ZBTB20: variants seen among roughly 807,000 people sequenced by gnomAD.
ZBTB20 encodes the protein zinc finger and BTB domain containing 20, also known as zinc finger and BTB domain-containing protein 20.
A neutral mutation model predicts 56.9 loss-of-function variants in ZBTB20; 9 were observed. The observed-to-expected ratio is 0.16, with a 90% CI of 0.10 to 0.28. The LOEUF (loss-of-function observed/expected upper bound fraction) is 0.28. ZBTB20 is among the 10% of genes least tolerant of loss of function. The probability of loss-of-function intolerance (pLI) is 1.00; values close to 1 mark genes in which losing one functional copy is unlikely to be tolerated. For missense variants in ZBTB20, 655 were observed against 1,003.0 expected, an observed-to-expected ratio of 0.65 and a Z score of 4.69; for synonymous variants, 417 against 420.7, an observed-to-expected ratio of 0.99 and a Z score of 0.11.
intron 2 of ZBTB20, among the ~76,000 whole-genome samples, chr3:115,054,226 T>G (rs1560530299): frequency 6.6e-6 from 1 of 152,108 alleles, no homozygotes; most frequent in Admixed American, 6.6e-5. Context: ...AAATGATCTG[T>G]TTACAGGGAG....
At chr3:114,764,309 A>G (rs1027752335) in intron 5 of ZBTB20, among the ~76,000 whole-genome samples, 4 of 151,352 alleles carry the variant, frequency 2.6e-5, no homozygotes, top group Non-Finnish European at 4.4e-5. Flanking sequence ...AGGGAGGGGC[A>G]AAACAAACAG....
intron 7 of ZBTB20, among the ~76,000 whole-genome samples, chr3:114,397,384 A>T (rs747322507): frequency 2.0e-4 from 31 of 152,030 alleles, no homozygotes; most frequent in Non-Finnish European, 3.7e-4. Flanking sequence ...ATTAGCTCTC[A>T]TCTCCTCTAA....
intron 4 of ZBTB20, among the ~76,000 whole-genome samples, chr3:114,816,607 GAAAT>G (rs756034421): frequency 6.6e-5 from 10 of 152,136 alleles, no homozygotes; most frequent in Non-Finnish European, 1.2e-4. Context: ...ATGGGCCTAT[GAAAT>G]AAAAATCTCA....
chr3:114,866,854 A>C (rs1415661654), intron 4 of ZBTB20, among the ~76,000 whole-genome samples: 1 of 152,130 alleles, frequency 6.6e-6, no homozygotes, highest in Non-Finnish European at 1.5e-5. Context: ...GACTAACGCA[A>C]TTGGCTCTCT....
chr3:115,033,558 G>C, intron 2 of ZBTB20, among the ~76,000 whole-genome samples: 1 of 151,652 alleles, frequency 6.6e-6, no homozygotes, highest in East Asian at 1.9e-4. Context: ...GTATATCAAA[G>C]AGGTATCTGC....
chr3:114,719,375 C>A (rs966817970), intron 5 of ZBTB20, among the ~76,000 whole-genome samples: 4 of 152,052 alleles, frequency 2.6e-5, no homozygotes, highest in African/African-American at 9.7e-5. Flanking sequence ...ATGGACATAG[C>A]TAAAAGATCC....
At chr3:114,468,347 C>T (rs879537694) in intron 7 of ZBTB20, among the ~76,000 whole-genome samples, 5 of 152,156 alleles carry the variant, frequency 3.3e-5, no homozygotes, top group Admixed American at 3.3e-4. Flanking sequence ...AAGGGACTAA[C>T]AAAGCCCTGT....
chr3:114,860,639 T>C (rs992571354), intron 4 of ZBTB20, among the ~76,000 whole-genome samples: 3 of 152,188 alleles, frequency 2.0e-5, no homozygotes, highest in Admixed American at 1.3e-4. Context: ...GAAGAGTTGC[T>C]TTCTAAGTGG....
At chr3:114,389,826 T>G (rs1576548928) in intron 7 of ZBTB20, among the ~76,000 whole-genome samples, 1 of 143,362 alleles carries the variant, frequency 7.0e-6, no homozygotes, top group Non-Finnish European at 1.5e-5. Context: ...GAGGCGGAGG[T>G]TGCAGTGAGC....
At chr3:114,464,086 T>A (rs1360525319) in intron 7 of ZBTB20, among the ~76,000 whole-genome samples, 1 of 152,220 alleles carries the variant, frequency 6.6e-6, no homozygotes, top group East Asian at 1.9e-4. Flanking sequence ...GATTTACACA[T>A]CTCCAAATTT....
At chr3:114,518,337 C>A (rs553776462) in intron 6 of ZBTB20, among the ~76,000 whole-genome samples, 2 of 152,074 alleles carry the variant, frequency 1.3e-5, no homozygotes, top group East Asian at 1.9e-4. Context: ...AGAAAAAAAA[C>A]CCCTAATCTC....
chr3:114,635,864 A>C (rs2059237454), intron 6 of ZBTB20, among the ~76,000 whole-genome samples: 1 of 152,088 alleles, frequency 6.6e-6, no homozygotes, highest in African/African-American at 2.4e-5. Flanking sequence ...AGAGAGGGAA[A>C]GGGGTAGAAA....
At chr3:114,894,721 G>A (rs778782605) in intron 4 of ZBTB20, among the ~76,000 whole-genome samples, 3 of 152,180 alleles carry the variant, frequency 2.0e-5, no homozygotes, top group Non-Finnish European at 2.9e-5. Flanking sequence ...GGCTGGAACA[G>A]ATCCTTCCCT....
chr3:114,625,084 G>A (rs2058577840), intron 6 of ZBTB20: 1 of 152,944 alleles, frequency 6.5e-6, no homozygotes, highest in African/African-American at 2.4e-5. Flanking sequence ...GGGGGGTTTA[G>A]GTCAGGAGCA....
rs768258058 is a variant in ZBTB20 at position 114,350,493 on chromosome 3, G to C, written c.1585C>G (p.Pro529Ala). 4 of 1,614,154 alleles carry C rather than the reference G, an allele frequency of 2.5e-6. No homozygotes were observed. The Admixed American group carries it at 5.0e-5, about 20-fold the overall frequency. Residue 529 changes from proline to alanine, a missense_variant, in exon 11 of 12, where the codon CCA (proline) becomes GCA (alanine). By Grantham distance (27) the Pro-to-Ala change is conservative (BLOSUM62 -1). Coordinates refer to ENST00000675478, the MANE Select transcript of ZBTB20 (RefSeq NM_001348800.3). Reference sequence around the variant, plus strand: ...GTCTGCTGGCCTGCCAGGGGCTGTGGCAGGCTGAAGAGGAAAGGCTTGGGG... The same window carrying C: ...GTCTGCTGGCCTGCCAGGGGCTGTGCCAGGCTGAAGAGGAAAGGCTTGGGG... ...SGPKPFLFSL[P>A]QPLAGQQTQF...
At chr3:114,356,823 G>A (rs1428768742) in intron 10 of ZBTB20, among the ~76,000 whole-genome samples, 1 of 152,116 alleles carries the variant, frequency 6.6e-6, no homozygotes, top group African/African-American at 2.4e-5. Context: ...TGCACTATAG[G>A]AGGTATAGTA....
intron 4 of ZBTB20, among the ~76,000 whole-genome samples, chr3:114,804,957 G>C (rs1273845343): frequency 6.6e-6 from 1 of 151,764 alleles, no homozygotes; most frequent in Non-Finnish European, 1.5e-5. Context: ...TAACTGGTTA[G>C]TTTGAATCAG....
intron 2 of ZBTB20, among the ~76,000 whole-genome samples, chr3:114,990,544 A>G (rs1170627372): frequency 6.6e-6 from 1 of 152,134 alleles, no homozygotes; most frequent in East Asian, 1.9e-4. Context: ...TGTTTTCATC[A>G]GGGATATTGG....
At chr3:114,550,128 T>C (rs937229933) in intron 6 of ZBTB20, among the ~76,000 whole-genome samples, 1 of 152,022 alleles carries the variant, frequency 6.6e-6, no homozygotes, top group Non-Finnish European at 1.5e-5. Context: ...TTAGTAGAGA[T>C]GGGGTTTCAC....
Sources: gnomAD v4.1 joint callset for allele counts (sites outside exome capture counted in the v4.1 genomes callset) on GRCh38, gnomAD v4.1.1 for gene constraint, MANE v1.5 for transcripts, NCBI Gene and HGNC (gene_info 2026-07-23, HGNC 2026-07-21) for gene names.